Variants in SPSB1 observed in about 807,000 individuals in gnomAD.
SPSB1 encodes the protein splA/ryanodine receptor domain and SOCS box containing 1, also known as SPRY domain-containing SOCS box protein 1.
SPSB1 carries 8 observed loss-of-function variants against 21.2 expected under a neutral mutation model. That is an observed-to-expected ratio of 0.38 (90% confidence interval 0.22 to 0.68). The LOEUF is 0.68. Among genes scored for constraint, SPSB1 ranks in the 30% least tolerant of loss-of-function variants. SPSB1 has a pLI of 0.53. For missense variants in SPSB1, 242 were observed against 377.8 expected, an observed-to-expected ratio of 0.64 and a Z score of 2.98; for synonymous variants, 169 against 161.7, an observed-to-expected ratio of 1.05 and a Z score of -0.34.
chr1:9,327,199 G>A (rs1339297409), intron 1 of SPSB1, among the ~76,000 whole-genome samples: 5 of 152,168 alleles, frequency 3.3e-5, no homozygotes, highest in East Asian at 1.9e-4. Context: ...CCACTCATAC[G>A]ATGATCCCCC....
chr1:9,322,877 C>G (rs1177050384), intron 1 of SPSB1, among the ~76,000 whole-genome samples: 2 of 151,820 alleles, frequency 1.3e-5, no homozygotes, highest in Non-Finnish European at 2.9e-5. Context: ...CCACCCCACC[C>G]GCCCGGACGC....
chr1:9,324,503 GGC>G lies in SPSB1; in HGVS notation c.-149-31239_-149-31238del, dbSNP rs1639780190. ...CAGCCTCTGGAGGGTCGGCTCGGAG[GGC>G]TGTGGGCCCGGGACTCGGTGTGTCC... On this transcript the variant is annotated intron_variant, in intron 1 of 2. Coordinates refer to ENST00000328089, the MANE Select transcript of SPSB1 (RefSeq NM_025106.4). The surrounding 1 kb of genome is among the most constrained non-coding windows in gnomAD (Gnocchi z 4.3). Among the ~76,000 whole-genome samples the G allele has an allele frequency of 9.0e-6, 1 of 111,482 alleles. No homozygotes were observed. The highest frequency in any genetic ancestry group is 2.4e-5 in the Non-Finnish European group (1 of 42,322). 73.1% of individuals were successfully genotyped at this position (111,482 alleles called of 152,430 possible). A position where few individuals can be genotyped will look rare whatever the true frequency, so the allele number is the denominator to read the frequency against.
In SPSB1 at chr1:9,315,545, C is replaced by A. The variant is rs370294351; in HGVS notation, c.-150+22474C>A. Among the ~76,000 whole-genome samples the A allele has an allele frequency of 6.6e-5, 10 of 152,372 alleles. No homozygotes were observed. The East Asian group carries it at 1.9e-3, about 29-fold the overall frequency. On this transcript the variant is annotated intron_variant, in intron 1 of 2. Transcript: ENST00000328089. ...GTGGGAGCTGAATGTGAATGTGACTCCTGAGCTGCAGCTTCTAACCATCGA... is the reference window on the plus strand; with the variant it reads ...GTGGGAGCTGAATGTGAATGTGACTACTGAGCTGCAGCTTCTAACCATCGA...
intron 1 of SPSB1, among the ~76,000 whole-genome samples, chr1:9,318,099 C>T (rs1206118591): frequency 2.0e-5 from 3 of 152,232 alleles, no homozygotes; most frequent in Non-Finnish European, 4.4e-5. Flanking sequence ...TGGGAAGCTG[C>T]AGCTTAGGGA....
intron 1 of SPSB1, among the ~76,000 whole-genome samples, chr1:9,302,941 C>T (rs1256922958): frequency 1.1e-4 from 17 of 152,178 alleles, no homozygotes; most frequent in Admixed American, 1.1e-3. Context: ...ACTTTATGCT[C>T]TGCTGGCCTG....
chr1:9,299,118 T>C (rs1252692018), intron 1 of SPSB1, among the ~76,000 whole-genome samples: 6 of 152,242 alleles, frequency 3.9e-5, no homozygotes, highest in African/African-American at 7.2e-5. Flanking sequence ...AACCAAGTGG[T>C]GACTGCAAAA....
rs374517340 is a variant in SPSB1, at chr1:9,308,980, G to A, written c.-150+15909G>A. ...ATGAGCTCCCTGCCAGGGGCTGGGCGGGCACCAGGCCTGCGTGGGTACAGA... is the reference window on the plus strand; with the variant it reads ...ATGAGCTCCCTGCCAGGGGCTGGGCAGGCACCAGGCCTGCGTGGGTACAGA... On this transcript the variant is annotated intron_variant, in intron 1 of 2. Transcript: ENST00000328089. Among the ~76,000 whole-genome samples, 7 of 152,154 alleles carry A rather than the reference G, an allele frequency of 4.6e-5. No individual in the cohort carries two copies. In the East Asian group the frequency reaches 1.2e-3, roughly 25 times the overall value.
chr1:9,296,316 C>T (rs972676577), intron 1 of SPSB1, among the ~76,000 whole-genome samples: 5 of 152,134 alleles, frequency 3.3e-5, no homozygotes, highest in African/African-American at 1.2e-4. Flanking sequence ...TAAGGTCTCG[C>T]GGCAAGGGAA....
At chr1:9,294,092 CTGTGTGTCTTTG>C (rs1639167548) in intron 1 of SPSB1, among the ~76,000 whole-genome samples, 1 of 115,162 alleles carries the variant, frequency 8.7e-6, no homozygotes, top group Non-Finnish European at 1.8e-5. Flanking sequence ...CTGTGTATGT[CTGTGTGTCTTTG>C]TGTGTGTCTG....
intron 1 of SPSB1, among the ~76,000 whole-genome samples, chr1:9,328,326 C>A (rs1291519499): frequency 6.6e-6 from 1 of 152,178 alleles, no homozygotes; most frequent in Non-Finnish European, 1.5e-5. Flanking sequence ...AAGAATGTCC[C>A]TTTTCTTCAA....
intron 1 of SPSB1, among the ~76,000 whole-genome samples, chr1:9,316,062 G>A (rs1384496352): frequency 6.6e-6 from 1 of 152,202 alleles, no homozygotes; most frequent in African/African-American, 2.4e-5. Flanking sequence ...GGTCAGGGAG[G>A]TGGTGGGTCC....
At position 9,345,743 on chromosome 1, in the gene SPSB1, T is replaced by C. The variant is rs568322879; in HGVS notation, c.-149-10000T>C. On this transcript the variant is annotated intron_variant, in intron 1 of 2. Coordinates refer to ENST00000328089, the MANE Select transcript of SPSB1 (RefSeq NM_025106.4). The surrounding 1 kb of genome is among the most constrained non-coding windows in gnomAD (Gnocchi z 4.8). ...CAGGTGCATTTTGGGTCTTTTGAGG[T>C]CAGGGACTAGAGCTCTGGACCGTGT... Among the ~76,000 whole-genome samples the C allele has an allele frequency of 6.8e-6, 1 of 148,082 alleles. No individual in the cohort carries two copies. The highest frequency in any genetic ancestry group is 6.6e-5 in the Admixed American group (1 of 15,102).
At chr1:9,339,061 C>T (rs1640048983) in intron 1 of SPSB1, among the ~76,000 whole-genome samples, 1 of 152,126 alleles carries the variant, frequency 6.6e-6, no homozygotes, top group African/African-American at 2.4e-5. Context: ...GGGCCGCTTC[C>T]CCTTGGAGAC....
chr1:9,315,285 C>G (rs1639593122), intron 1 of SPSB1, among the ~76,000 whole-genome samples: 1 of 152,238 alleles, frequency 6.6e-6, no homozygotes, highest in Admixed American at 6.5e-5. Context: ...CGTACTGGCT[C>G]CAAGGGACAC....
rs1044901050 is a variant in SPSB1, at chr1:9,369,504, A to G, written c.*1929A>G. 1.3e-5 allele frequency: 2 copies of G among 152,154 alleles called. No individual in the cohort carries two copies. Among genetic ancestry groups the G allele is most frequent in the South Asian group, 4.1e-4 (2 of 4,836 alleles). The allele number at this position is 152,154 out of a possible 1,614,324, so 9.4% of individuals were successfully genotyped here. A position where few individuals can be genotyped will look rare whatever the true frequency, so the allele number is the denominator to read the frequency against. On this transcript the variant is annotated 3_prime_UTR_variant, in exon 3 of 3. Transcript: ENST00000328089. ...GATGGTTGATAATAGTCAGTAACCTAATAAAGGAACGTTTGTTAAAATATC... is the reference window on the plus strand; with the variant it reads ...GATGGTTGATAATAGTCAGTAACCTGATAAAGGAACGTTTGTTAAAATATC...
intron 1 of SPSB1, among the ~76,000 whole-genome samples, chr1:9,299,807 T>C (rs1639298148): frequency 6.6e-6 from 1 of 151,896 alleles, no homozygotes; most frequent in Admixed American, 6.6e-5. Flanking sequence ...TTTTTTTTTT[T>C]TTTAAATTAG....
intron 1 of SPSB1, among the ~76,000 whole-genome samples, chr1:9,338,278 AC>A (rs979702855): frequency 6.6e-6 from 1 of 152,074 alleles, no homozygotes; most frequent in African/African-American, 2.4e-5. Flanking sequence ...GCTCCCCAGG[AC>A]CCCTTTGTGG....
intron 1 of SPSB1, among the ~76,000 whole-genome samples, chr1:9,344,433 G>A (rs1363659206): frequency 1.3e-5 from 2 of 152,150 alleles, no homozygotes; most frequent in African/African-American, 2.4e-5. Flanking sequence ...GTCTCGTGAC[G>A]GGACCGAGCA....
intron 1 of SPSB1, among the ~76,000 whole-genome samples, chr1:9,306,790 T>C (rs1160018492): frequency 1.3e-5 from 2 of 152,140 alleles, no homozygotes; most frequent in Non-Finnish European, 2.9e-5. Context: ...TCAGAAGTGG[T>C]CCTAGGTAAT....
Sources: gnomAD v4.1 joint callset for allele counts (sites outside exome capture counted in the v4.1 genomes callset) on GRCh38, gnomAD v4.1.1 for gene constraint, Gnocchi (gnomAD v3.1) non-coding constraint, MANE v1.5 for transcripts, NCBI Gene and HGNC (gene_info 2026-07-23, HGNC 2026-07-21) for gene names.